FBXL17: variants seen among roughly 807,000 people sequenced by gnomAD.
FBXL17 encodes the protein F-box and leucine rich repeat protein 17, also known as F-box/LRR-repeat protein 17.
A neutral mutation model predicts 66.2 loss-of-function variants in FBXL17; 22 were observed. The observed-to-expected ratio is 0.33, with a 90% CI of 0.24 to 0.47. FBXL17 has a LOEUF of 0.47. Ranked by LOEUF, FBXL17 falls within the 20% of genes least tolerant of loss-of-function variation. The pLI is 1.00. For synonymous variants in FBXL17, 474 were observed against 400.5 expected (o/e 1.18, Z -2.19); for missense variants, 878 against 948.2 (o/e 0.93, Z 0.97).
chr5:108,381,228 T>C lies in FBXL17; in HGVS notation c.464A>G (p.Gln155Arg). 2 of 1,445,962 alleles carry C rather than the reference T, an allele frequency of 1.4e-6. No individual in the cohort carries two copies. The highest frequency in any genetic ancestry group is 1.8e-6 in the Non-Finnish European group (2 of 1,101,570). 89.6% of individuals were successfully genotyped at this position (1,445,962 alleles called of 1,614,324 possible). Residue 155 changes from glutamine to arginine, a missense_variant, in exon 1 of 9, where the codon CAG (glutamine) becomes CGG (arginine). Physicochemically the swap from Gln to Arg is conservative, Grantham distance 43. Transcript: ENST00000542267. ...GLAAAAAWEQ[Q>R]GRSLFLASLG... Reference sequence around the variant, plus strand: ...GCTGGCCAGGAAGAGACTTCGGCCCTGCTGCTCCCAGGCGGCGGCCGCAGC... The same window carrying C: ...GCTGGCCAGGAAGAGACTTCGGCCCCGCTGCTCCCAGGCGGCGGCCGCAGC...
intron 6 of FBXL17, among the ~76,000 whole-genome samples, chr5:108,178,338 G>A (rs1261616385): frequency 6.6e-6 from 1 of 152,128 alleles, no homozygotes; most frequent in African/African-American, 2.4e-5. Flanking sequence ...GAGCCACCAT[G>A]CCTGGCCTCA....
intron 4 of FBXL17, among the ~76,000 whole-genome samples, chr5:108,324,017 G>A (rs1323831850): frequency 2.0e-5 from 3 of 151,874 alleles, no homozygotes; most frequent in Non-Finnish European, 4.4e-5. Flanking sequence ...GCTTTACAAC[G>A]TTGAATTTGG....
At chr5:108,035,369 GT>G (rs893324071) in intron 6 of FBXL17, among the ~76,000 whole-genome samples, 1 of 151,948 alleles carries the variant, frequency 6.6e-6, no homozygotes, top group Non-Finnish European at 1.5e-5. Context: ...TCGTTTGTTT[GT>G]TTTTTTCTTT....
At chr5:108,348,714 T>G (rs1225679850) in intron 3 of FBXL17, among the ~76,000 whole-genome samples, 184 bp from the exon 4 acceptor site, 1 of 152,198 alleles carries the variant, frequency 6.6e-6, no homozygotes, top group Non-Finnish European at 1.5e-5. Context: ...ATTTTTAACC[T>G]TCTAATTTAC....
intron 7 of FBXL17, among the ~76,000 whole-genome samples, chr5:107,943,523 C>T (rs944526326): frequency 6.7e-6 from 1 of 149,384 alleles, no homozygotes; most frequent in Non-Finnish European, 1.5e-5. Context: ...CCCCAACTTT[C>T]ATAGTCTTTG....
At chr5:108,130,525 A>AT (rs1218485571) in intron 6 of FBXL17, among the ~76,000 whole-genome samples, 4 of 152,032 alleles carry the variant, frequency 2.6e-5, no homozygotes, top group Non-Finnish European at 5.9e-5. Context: ...TCTTTTCAAG[A>AT]TTTTAACTCG....
chr5:108,224,037 C>G, intron 5 of FBXL17, 84 bp downstream of exon 5: 1 of 579,034 alleles, frequency 1.7e-6, no homozygotes, highest in Non-Finnish European at 3.1e-6. Context: ...CTGACTGTCC[C>G]TTATTCAAGT....
intron 6 of FBXL17, among the ~76,000 whole-genome samples, chr5:108,061,397 AAAAGAGAAGAG>A (rs1561391389): frequency 1.3e-5 from 2 of 152,186 alleles, no homozygotes; most frequent in Non-Finnish European, 2.9e-5. Flanking sequence ...TGCCTTTGGC[AAAAGAGAAGAG>A]GAAGAGAAGA....
Position 107,886,074 on chromosome 5 carries a change from A to C in FBXL17, c.1823-4895T>G, listed in dbSNP as rs116918581. On this transcript the variant is annotated intron_variant, in intron 7 of 8. Transcript: ENST00000542267. ...GGGATAGGAATTAAAAATGAATTTA[A>C]GTCACTTTGGAAACATGATGTTGAC... 3.7e-3 allele frequency among the ~76,000 whole-genome samples: 559 copies of C among 152,316 alleles called. 18 individuals carry two copies. The highest frequency in any genetic ancestry group is 0.033 in the Admixed American group (502 of 15,298).
intron 7 of FBXL17, among the ~76,000 whole-genome samples, chr5:108,014,234 A>C (rs1754294833): frequency 6.6e-6 from 1 of 152,122 alleles, no homozygotes; most frequent in Non-Finnish European, 1.5e-5. Flanking sequence ...AGAAATGCTA[A>C]CAGGAATTGA....
chr5:108,107,013 A>G (rs1252015820), intron 6 of FBXL17, among the ~76,000 whole-genome samples: 1 of 152,184 alleles, frequency 6.6e-6, no homozygotes, highest in African/African-American at 2.4e-5. Flanking sequence ...AACAAGAAAA[A>G]TGGAAAATAT....
At chr5:108,147,082 A>G (rs1348830826) in intron 6 of FBXL17, among the ~76,000 whole-genome samples, 1 of 152,004 alleles carries the variant, frequency 6.6e-6, no homozygotes. Flanking sequence ...TTAAAAGGGC[A>G]CTCTGCCCTC....
intron 4 of FBXL17, among the ~76,000 whole-genome samples, chr5:108,347,285 T>C (rs536400478): frequency 5.3e-5 from 8 of 152,234 alleles, no homozygotes; most frequent in Admixed American, 3.9e-4. Context: ...TATCTAAACA[T>C]AGAAAAGGCA....
At chr5:108,205,344 T>C (rs1754074722) in intron 5 of FBXL17, among the ~76,000 whole-genome samples, 1 of 152,196 alleles carries the variant, frequency 6.6e-6, no homozygotes, top group South Asian at 2.1e-4. Flanking sequence ...AAAGTATGTG[T>C]CTCTTACTGA....
At chr5:108,094,617 T>C (rs892169179) in intron 6 of FBXL17, among the ~76,000 whole-genome samples, 2 of 152,104 alleles carry the variant, frequency 1.3e-5, no homozygotes. Context: ...TGTGGACAAA[T>C]AACATAAAGT....
At chr5:107,888,419 C>G (rs1749044812) in intron 7 of FBXL17, among the ~76,000 whole-genome samples, 1 of 152,050 alleles carries the variant, frequency 6.6e-6, no homozygotes, top group Middle Eastern at 3.2e-3. Flanking sequence ...AAGGGTACAC[C>G]TTGATGAATT....
chr5:108,210,470 A>G (rs1370305997), intron 5 of FBXL17, among the ~76,000 whole-genome samples: 1 of 152,198 alleles, frequency 6.6e-6, no homozygotes, highest in Non-Finnish European at 1.5e-5. Flanking sequence ...TTCCCTCTAC[A>G]CACTGCTTTA....
In FBXL17 at chr5:108,076,827, A is replaced by G. The variant is rs544576695; in HGVS notation, c.1746-55826T>C. Among the ~76,000 whole-genome samples the G allele has an allele frequency of 7.9e-5, 12 of 152,316 alleles. No individual in the cohort carries two copies. In the East Asian group the frequency reaches 2.3e-3, roughly 29 times the overall value. On this transcript the variant is annotated intron_variant, in intron 6 of 8. Transcript: ENST00000542267. Reference sequence around the variant, plus strand: ...CTCTGAGGGAGGCTTCATCTACATAATGAAGGCATTTTTGCTAGCCAGACT... The same window carrying G: ...CTCTGAGGGAGGCTTCATCTACATAGTGAAGGCATTTTTGCTAGCCAGACT...
chr5:108,121,657 C>T (rs1032784838), intron 6 of FBXL17, among the ~76,000 whole-genome samples: 5 of 151,818 alleles, frequency 3.3e-5, no homozygotes, highest in African/African-American at 7.3e-5. Context: ...CCAGGGATCA[C>T]GCCATTCTCC....
Sources: gnomAD v4.1 joint callset for allele counts (sites outside exome capture counted in the v4.1 genomes callset) on GRCh38, gnomAD v4.1.1 for gene constraint, MANE v1.5 for transcripts, NCBI Gene and HGNC (gene_info 2026-07-23, HGNC 2026-07-21) for gene names.